Variants in XIAP observed in about 807,000 individuals in gnomAD.
The protein encoded by XIAP is X-linked inhibitor of apoptosis.
Under a neutral mutation model 33.1 loss-of-function variants are expected in XIAP, and 3 were observed. That is an observed-to-expected ratio of 0.09 (90% CI 0.04 to 0.23). The LOEUF (loss-of-function observed/expected upper bound fraction) is 0.23, where lower values mean the gene tolerates loss of function less well. Ranked by LOEUF, XIAP falls within the 10% of genes least tolerant of loss-of-function variation. XIAP has a pLI of 1.00. For synonymous variants in XIAP, 98 were observed against 121.3 expected (o/e 0.81, Z 1.26); for missense variants, 264 against 363.0 (o/e 0.73, Z 2.22).
chrX:123,913,754 T>A lies in XIAP; in HGVS notation c.*6573T>A. 1 of 327,227 alleles carries A rather than the reference T, an allele frequency of 3.1e-6. No individual in the cohort carries two copies. The highest frequency in any genetic ancestry group is 2.7e-5 in the South Asian group (1 of 37,285). 27.0% of individuals were successfully genotyped at this position (327,227 alleles called of 1,213,427 possible). On this transcript the variant is annotated 3_prime_UTR_variant, in exon 7 of 7. Coordinates refer to ENST00000371199, the MANE Select transcript of XIAP (RefSeq NM_001167.4). Reference sequence around the variant, plus strand: ...ACTGTTATATTTTAACCTGACTGACTGATCTAATTGTATTAGTATTGTGAA... The same window carrying A: ...ACTGTTATATTTTAACCTGACTGACAGATCTAATTGTATTAGTATTGTGAA...
At chrX:123,876,286 A>G (rs762135632) in intron 1 of XIAP, among the ~76,000 whole-genome samples, 20 of 110,681 alleles carry the variant, frequency 1.8e-4, no homozygotes, top group Non-Finnish European at 3.0e-4. Context: ...CAAAAACAAG[A>G]TAGATTAAAT....
intron 3 of XIAP, among the ~76,000 whole-genome samples, chrX:123,889,415 A>G (rs780292714): frequency 2.7e-5 from 3 of 109,166 alleles, no homozygotes; most frequent in African/African-American, 1.0e-4. Context: ...CATGTTGGCC[A>G]GGTTGGTCTT....
Position 123,907,853 on chromosome X carries a change from A to G in XIAP, c.*672A>G. On this transcript the variant is annotated 3_prime_UTR_variant, in exon 7 of 7. Transcript: ENST00000371199. Reference sequence around the variant, plus strand: ...TGTAAAATGCAAGTGGCAAAACACTATGTATAGTCTGAGCCAGATCAAAGT... The same window carrying G: ...TGTAAAATGCAAGTGGCAAAACACTGTGTATAGTCTGAGCCAGATCAAAGT... 1 of 364,995 alleles carries G rather than the reference A, an allele frequency of 2.7e-6. No homozygotes were observed. Among genetic ancestry groups the G allele is most frequent in the Non-Finnish European group, 5.2e-6 (1 of 193,637 alleles). The allele number at this position is 364,995 out of a possible 1,213,427, so 30.1% of individuals were successfully genotyped here. A position where few individuals can be genotyped will look rare whatever the true frequency, so the allele number is the denominator to read the frequency against.
chrX:123,864,615 C>T (rs909842548), intron 1 of XIAP, among the ~76,000 whole-genome samples: 4 of 106,854 alleles, frequency 3.7e-5, no homozygotes, highest in Non-Finnish European at 7.7e-5. Context: ...TACAGGCACC[C>T]GCCACCACAC....
At chrX:123,887,107 CAG>C (rs959940631) in intron 2 of XIAP, among the ~76,000 whole-genome samples, 2 of 112,216 alleles carry the variant, frequency 1.8e-5, no homozygotes, top group Non-Finnish European at 3.8e-5. Flanking sequence ...TTAGTAGACA[CAG>C]GGTCTCTCCC....
chrX:123,904,949 A>G (rs2053546846), intron 6 of XIAP, among the ~76,000 whole-genome samples: 1 of 111,341 alleles, frequency 9.0e-6, no homozygotes, highest in African/African-American at 3.3e-5. Context: ...TGCTTTTTAC[A>G]CTATTTTGGG....
At chrX:123,896,823 C>T in intron 5 of XIAP, among the ~76,000 whole-genome samples, 1 of 109,662 alleles carries the variant, frequency 9.1e-6, no homozygotes, top group African/African-American at 3.3e-5. Context: ...ACCTCGTGAT[C>T]TGCCCACCTC....
At chrX:123,880,642 C>G (rs1569477339) in intron 1 of XIAP, among the ~76,000 whole-genome samples, 1 of 102,084 alleles carries the variant, frequency 9.8e-6, no homozygotes. Flanking sequence ...GAGGCTGAGA[C>G]AGGAGAATGG....
rs753857961 is a variant in XIAP, at chrX:123,907,067, C to T, written c.1380C>T (p.Ile460=). ...CKICMDRNIA[I]VFVPCGHLVT... ...TCTGTATGGATAGAAATATTGCTATCGTTTTTGTTCCTTGTGGACATCTAG... is the reference window on the plus strand; with the variant it reads ...TCTGTATGGATAGAAATATTGCTATTGTTTTTGTTCCTTGTGGACATCTAG... The change falls in exon 7 of 7, where the codon ATC becomes ATT. Residue 460 remains isoleucine, a synonymous_variant. Transcript: ENST00000371199. 7 of 1,211,181 alleles carry T rather than the reference C, an allele frequency of 5.8e-6. No individual in the cohort carries two copies. Among genetic ancestry groups the T allele is most frequent in the Non-Finnish European group, 6.7e-6 (6 of 895,185 alleles).
chrX:123,892,750 C>T lies in XIAP; in HGVS notation c.1076C>T (p.Thr359Ile). 8.3e-7 allele frequency: 1 copy of T among 1,202,134 alleles called. No individual in the cohort carries two copies. Among genetic ancestry groups the T allele is most frequent in the Non-Finnish European group, 1.1e-6 (1 of 887,558 alleles). ...EECLVRTTEKTPSLTRRIDDT... is the reference protein window; with the variant it reads ...EECLVRTTEKIPSLTRRIDDT... ...TTACAGGTAAGAACTACTGAGAAAACACCATCACTAACTAGAAGAATTGGT... is the reference window on the plus strand; with the variant it reads ...TTACAGGTAAGAACTACTGAGAAAATACCATCACTAACTAGAAGAATTGGT... The change falls in exon 5 of 7, where the codon ACA (threonine) becomes ATA (isoleucine). Residue 359 changes from threonine (T) to isoleucine (I), a missense_variant. Physicochemically the swap from Thr to Ile is moderately conservative, Grantham distance 89. Transcript: ENST00000371199.
At chrX:123,874,464 C>T (rs908319406) in intron 1 of XIAP, 5 of 110,799 alleles carry the variant, frequency 4.5e-5, no homozygotes, top group Non-Finnish European at 9.4e-5. Flanking sequence ...TCATGGTGCT[C>T]GCTTTGGCAG....
rs1602540032 is a variant in XIAP at position 123,880,985 on chromosome X, C to T, written c.-32-4646C>T. ...TCACCATTGTAGAATCTCCCAAACC[C>T]TTCATTTAAACATGCACCATTGCTT... On this transcript the variant is annotated intron_variant, in intron 1 of 6. Coordinates refer to ENST00000371199, the MANE Select transcript of XIAP (RefSeq NM_001167.4). 2.7e-5 allele frequency among the ~76,000 whole-genome samples: 3 copies of T among 110,874 alleles called. No homozygotes were observed. The Admixed American group carries it at 2.9e-4, about 11-fold the overall frequency.
chrX:123,874,264 C>A (rs2053221718), intron 1 of XIAP, among the ~76,000 whole-genome samples: 1 of 111,716 alleles, frequency 9.0e-6, no homozygotes, highest in Non-Finnish European at 1.9e-5. Context: ...TCATTAGAAT[C>A]TAATATATTT....
chrX:123,894,197 G>C (rs1463364633), intron 5 of XIAP, among the ~76,000 whole-genome samples: 1 of 112,283 alleles, frequency 8.9e-6, no homozygotes, highest in African/African-American at 3.2e-5. Flanking sequence ...AACTCAAAAA[G>C]TGGGCAGAGA....
Position 123,886,375 on chromosome X carries a change from G to T in XIAP, c.713G>T (p.Arg238Leu), listed in dbSNP as rs1226148384. The change falls in exon 2 of 7, where the codon CGA becomes CTA. Residue 238 changes from arginine (R) to leucine (L), a missense_variant. By Grantham distance (102) the Arg-to-Leu change is moderately radical. Coordinates refer to ENST00000371199, the MANE Select transcript of XIAP (RefSeq NM_001167.4). ...GTTTTGGGCCGGAATCTTAATATTC[G>T]AAGTGAATCTGATGCTGTGAGTTCT... Reference protein sequence around the residue: ...FFVLGRNLNIRSESDAVSSDR... With the variant: ...FFVLGRNLNILSESDAVSSDR... 1.7e-6 allele frequency: 2 copies of T among 1,211,797 alleles called. No individual in the cohort carries two copies. Among genetic ancestry groups the T allele is most frequent in the Non-Finnish European group, 2.2e-6 (2 of 895,574 alleles).
At chrX:123,895,415 A>G (rs969006134) in intron 5 of XIAP, among the ~76,000 whole-genome samples, 2 of 112,329 alleles carry the variant, frequency 1.8e-5, no homozygotes, top group Middle Eastern at 4.2e-3. Flanking sequence ...ACATTTGTGC[A>G]TAAGTTTTTG....
chrX:123,913,077 G>A lies in XIAP; in HGVS notation c.*5896G>A, dbSNP rs1255802952. On this transcript the variant is annotated 3_prime_UTR_variant, in exon 7 of 7. Transcript: ENST00000371199. The stretch of plus-strand genomic sequence containing the variant: ...ATTACAGGTGTGAACCACTGCTCCC[G>A]GCCTTGTGTGATTTTATCTAAGGGA... 6.2e-6 allele frequency: 2 copies of A among 324,034 alleles called. No individual in the cohort carries two copies. The highest frequency in any genetic ancestry group is 9.9e-5 in the East Asian group (1 of 10,079). The allele number at this position is 324,034 out of a possible 1,213,427, so 26.7% of individuals were successfully genotyped here. A position where few individuals can be genotyped will look rare whatever the true frequency, so the allele number is the denominator to read the frequency against.
rs1457359591 is a variant in XIAP at position 123,909,824 on chromosome X, T to TC, written c.*2645dup. On this transcript the variant is annotated 3_prime_UTR_variant, in exon 7 of 7. Coordinates refer to ENST00000371199, the MANE Select transcript of XIAP (RefSeq NM_001167.4). ...TCAGGTTCTTAAAATCACTCAGCAC[T>TC]CCAACTTCTAATCAAATTTTTGGAG... is the stretch of plus-strand genomic sequence containing the variant. The TC allele has an allele frequency of 3.0e-6, 1 of 328,279 alleles. No homozygotes were observed. The highest frequency in any genetic ancestry group is 2.6e-5 in the African/African-American group (1 of 37,764). The allele number at this position is 328,279 out of a possible 1,213,427, so 27.1% of individuals were successfully genotyped here.
At chrX:123,897,748 A>G (rs1229019690) in intron 5 of XIAP, among the ~76,000 whole-genome samples, 1 of 111,501 alleles carries the variant, frequency 9.0e-6, no homozygotes, top group Admixed American at 9.6e-5. Context: ...TTTTTAGTAG[A>G]GACAGGGTTT....
Sources: gnomAD v4.1 joint callset for allele counts (sites outside exome capture counted in the v4.1 genomes callset) on GRCh38, gnomAD v4.1.1 for gene constraint, MANE v1.5 for transcripts, NCBI Gene and HGNC (gene_info 2026-07-23, HGNC 2026-07-21) for gene names.